TNFRSF1B: variants seen among roughly 807,000 people sequenced by gnomAD.
The protein encoded by TNFRSF1B is TNF receptor superfamily member 1B.
A neutral mutation model predicts 44.6 loss-of-function variants in TNFRSF1B; 19 were observed. That is an observed-to-expected ratio of 0.43 (90% confidence interval 0.30 to 0.62). TNFRSF1B has a LOEUF of 0.62. Ranked by LOEUF, TNFRSF1B falls within the 20% of genes least tolerant of loss-of-function variation. The pLI is 0.16. For missense variants in TNFRSF1B, 541 were observed against 619.9 expected (o/e 0.87, Z 1.35); for synonymous variants, 252 against 261.1 (o/e 0.97, Z 0.34).
chr1:12,193,883 G>A, intron 6 of TNFRSF1B, 72 bp from the exon 7 acceptor site: 2 of 1,289,738 alleles, frequency 1.6e-6, no homozygotes, highest in Non-Finnish European at 2.3e-6. Context: ...TGGGTCCCTG[G>A]CTTGCCTGGC....
At chr1:12,185,948 C>T (rs1181856293) in intron 1 of TNFRSF1B, among the ~76,000 whole-genome samples, 1 of 152,174 alleles carries the variant, frequency 6.6e-6, no homozygotes, top group Non-Finnish European at 1.5e-5. Flanking sequence ...TGAGTGACTC[C>T]TTCAGGGTGG....
intron 9 of TNFRSF1B, among the ~76,000 whole-genome samples, chr1:12,205,123 A>G (rs1188986810): frequency 6.6e-6 from 1 of 152,192 alleles, no homozygotes; most frequent in Non-Finnish European, 1.5e-5. Context: ...GGAGGGACCC[A>G]GAGAGTGGTG....
chr1:12,193,692 C>T (rs1165419202), intron 6 of TNFRSF1B, among the ~76,000 whole-genome samples: 2 of 152,230 alleles, frequency 1.3e-5, no homozygotes, highest in East Asian at 1.9e-4. Flanking sequence ...GCTAAGAAGA[C>T]AGCGGGCTGG....
chr1:12,194,660 C>T (rs775818823), intron 8 of TNFRSF1B, 42 bp downstream of exon 8: 1 of 1,612,098 alleles, frequency 6.2e-7, no homozygotes. Context: ...CCCCTGGTCT[C>T]CTTCCCGGCG....
chr1:12,167,586 C>A, intron 1 of TNFRSF1B: 3 of 284,754 alleles, frequency 1.1e-5, no homozygotes, highest in South Asian at 8.9e-5. Flanking sequence ...TGTGCCGGGG[C>A]GCTGCCCCAC....
At chr1:12,193,622 C>T (rs1018425970) in intron 6 of TNFRSF1B, among the ~76,000 whole-genome samples, 5 of 152,142 alleles carry the variant, frequency 3.3e-5, no homozygotes, top group African/African-American at 1.2e-4. Context: ...GAGGTGGGGT[C>T]AGCAATTCAC....
chr1:12,185,579 T>C (rs943885921), intron 1 of TNFRSF1B, among the ~76,000 whole-genome samples: 6 of 152,132 alleles, frequency 3.9e-5, no homozygotes, highest in Admixed American at 2.6e-4. Context: ...AAACTGAGGC[T>C]CCAGACGGGG....
At chr1:12,174,710 C>A (rs597991) in intron 1 of TNFRSF1B, among the ~76,000 whole-genome samples, 4,460 of 152,258 alleles carry the variant, frequency 0.029, 61 homozygotes, top group Non-Finnish European at 0.036. Context: ...CCTTCTCAGG[C>A]CCCAGGAGGG....
In TNFRSF1B at chr1:12,177,307, C is replaced by G. The variant is rs190645234; in HGVS notation, c.78+10138C>G. On this transcript the variant is annotated intron_variant, in intron 1 of 9. Transcript: ENST00000376259. The surrounding 1 kb of genome is among the most constrained non-coding windows in gnomAD (Gnocchi z 4.3). ...CAGGCGGGAGCCACCGTGCCCGGCC[C>G]CAGTGGACTGATTCTGGTCAGTGTC... Among the ~76,000 whole-genome samples the G allele has an allele frequency of 1.4e-4, 21 of 152,204 alleles. No individual in the cohort carries two copies. Among genetic ancestry groups the G allele is most frequent in the Non-Finnish European group, 1.8e-4 (12 of 67,974 alleles).
intron 1 of TNFRSF1B, among the ~76,000 whole-genome samples, chr1:12,172,097 T>A (rs1367212170): frequency 2.0e-5 from 3 of 152,076 alleles, no homozygotes; most frequent in African/African-American, 7.2e-5. Context: ...ATGGGGCCAC[T>A]CACTGACGGT....
chr1:12,201,364 TGGA>T (rs1401311614), intron 8 of TNFRSF1B, among the ~76,000 whole-genome samples: 1 of 151,856 alleles, frequency 6.6e-6, no homozygotes, highest in African/African-American at 2.4e-5. Flanking sequence ...AACTCTTGTA[TGGA>T]GTTTACTATG....
intron 2 of TNFRSF1B, among the ~76,000 whole-genome samples, chr1:12,190,481 G>A (rs1183853756): frequency 3.7e-4 from 36 of 97,810 alleles, no homozygotes; most frequent in Non-Finnish European, 4.7e-4. Context: ...AAAAAAAAAA[G>A]CAGCTACTGA....
rs896289977 is a variant in TNFRSF1B at position 12,207,107 on chromosome 1, C to T, written c.*87C>T. ...GAAGGGGCCCTGGTCCTTCCAGGCCCCCACCACTAGGACTCTGAGGCTCTT... is the reference window on the plus strand; with the variant it reads ...GAAGGGGCCCTGGTCCTTCCAGGCCTCCACCACTAGGACTCTGAGGCTCTT... On this transcript the variant is annotated 3_prime_UTR_variant, in exon 10 of 10. Transcript: ENST00000376259. 100 of 1,408,484 alleles carry T rather than the reference C, an allele frequency of 7.1e-5. No homozygotes were observed. The highest frequency in any genetic ancestry group is 3.4e-4 in the South Asian group (23 of 67,630). The allele number at this position is 1,408,484 out of a possible 1,614,324, so 87.2% of individuals were successfully genotyped here.
intron 4 of TNFRSF1B, 112 bp from the exon 5 acceptor site, chr1:12,192,319 G>A (rs752318767): frequency 1.0e-4 from 84 of 820,924 alleles, no homozygotes; most frequent in Non-Finnish European, 6.2e-6. Flanking sequence ...AGGGGTGGAG[G>A]TGCAGACAGA....
At chr1:12,183,469 TC>T (rs1638856420) in intron 1 of TNFRSF1B, among the ~76,000 whole-genome samples, 5 of 152,012 alleles carry the variant, frequency 3.3e-5, no homozygotes, top group African/African-American at 1.2e-4. Context: ...TCTCTCTCTC[TC>T]TCTATGTATA....
At chr1:12,196,585 C>T (rs940759717) in intron 8 of TNFRSF1B, among the ~76,000 whole-genome samples, 1 of 152,202 alleles carries the variant, frequency 6.6e-6, no homozygotes, top group South Asian at 2.1e-4. Context: ...GATTTCATCC[C>T]CTGATTTTGG....
In TNFRSF1B at chr1:12,177,454, A is replaced by G. The variant is rs562989252; in HGVS notation, c.78+10285A>G. On this transcript the variant is annotated intron_variant, in intron 1 of 9. Transcript: ENST00000376259. This position sits in a 1 kb window ranked among gnomAD's most constrained non-coding sequence, Gnocchi z 4.3. ...CTGGGCAGGGCTGGTTGCTCATCTC[A>G]GGTATGAAATTGGCTGCACCCCCAC... Among the ~76,000 whole-genome samples, 1 of 152,234 alleles carries G rather than the reference A, an allele frequency of 6.6e-6. No individual in the cohort carries two copies. Among genetic ancestry groups the G allele is most frequent in the Non-Finnish European group, 1.5e-5 (1 of 67,998 alleles).
At chr1:12,183,743 AT>A (rs1638896229) in intron 1 of TNFRSF1B, among the ~76,000 whole-genome samples, 1 of 126,094 alleles carries the variant, frequency 7.9e-6, no homozygotes, top group African/African-American at 2.8e-5. Context: ...CTATCTATCT[AT>A]CTATCTAGCT....
At position 12,171,620 on chromosome 1, in the gene TNFRSF1B, C is replaced by G. The variant is rs947268703; in HGVS notation, c.78+4451C>G. On this transcript the variant is annotated intron_variant, in intron 1 of 9. Coordinates refer to ENST00000376259, the MANE Select transcript of TNFRSF1B (RefSeq NM_001066.3). This position sits in a 1 kb window ranked among gnomAD's most constrained non-coding sequence, Gnocchi z 4.5. ...ACCGTGAGGACAGGGACTCATTCAC[C>G]ACTGTAGACTCTAGCCTAGAAGAGG... Among the ~76,000 whole-genome samples the G allele has an allele frequency of 6.6e-6, 1 of 152,232 alleles. No individual in the cohort carries two copies. The highest frequency in any genetic ancestry group is 1.5e-5 in the Non-Finnish European group (1 of 68,050).
Sources: allele counts gnomAD v4.1 joint callset (sites outside exome capture counted in the v4.1 genomes callset), GRCh38; gene constraint gnomAD v4.1.1; non-coding constraint Gnocchi (gnomAD v3.1); transcripts MANE v1.5; gene names NCBI Gene and HGNC (gene_info 2026-07-23, HGNC 2026-07-21).